The following AFAP1 variants were observed in gnomAD, a reference collection of about 807,000 sequenced individuals.
The protein encoded by AFAP1 is actin filament-associated protein 1.
A neutral mutation model predicts 93.9 loss-of-function variants in AFAP1; 75 were observed. The observed-to-expected ratio is 0.80, with a 90% confidence interval of 0.66 to 0.97. The LOEUF (loss-of-function observed/expected upper bound fraction) is 0.97, where lower values mean the gene tolerates loss of function less well. Ranked by LOEUF, AFAP1 falls within the 50% of genes least tolerant of loss-of-function variation. The pLI is 0.00. For missense variants in AFAP1, 1,201 were observed against 1,050.8 expected (o/e 1.14, Z -1.98); for synonymous variants, 517 against 430.7 (o/e 1.20, Z -2.48).
At chr4:7,928,857 G>C (rs1720913829) in intron 1 of AFAP1, among the ~76,000 whole-genome samples, 1 of 152,220 alleles carries the variant, frequency 6.6e-6, no homozygotes, top group Non-Finnish European at 1.5e-5. Flanking sequence ...GGGGCACAGA[G>C]AAAGACAATG....
intron 1 of AFAP1, among the ~76,000 whole-genome samples, chr4:7,880,745 A>T (rs1489158782): frequency 1.3e-5 from 2 of 152,190 alleles, no homozygotes; most frequent in Non-Finnish European, 2.9e-5. Context: ...AGGAACTCCA[A>T]GACTGAGGAG....
intron 14 of AFAP1, chr4:7,775,601 C>T (rs1168373611): frequency 6.7e-6 from 1 of 148,916 alleles, no homozygotes; most frequent in Non-Finnish European, 1.5e-5. Flanking sequence ...CGGAGTGTGG[C>T]ACAATAAATG....
chr4:7,885,154 T>C lies in AFAP1; in HGVS notation c.-2-13074A>G, dbSNP rs551913493. 3.9e-5 allele frequency among the ~76,000 whole-genome samples: 6 copies of C among 152,338 alleles called. No homozygotes were observed. In the East Asian group the frequency reaches 1.2e-3, roughly 29 times the overall value. On this transcript the variant is annotated intron_variant, in intron 1 of 17. Transcript: ENST00000420658. Reference sequence around the variant, plus strand: ...AAAATCACCCTGGTTTGCTACACTCTTCTCAGTGACTTCTCCGGATCCTGT... The same window carrying C: ...AAAATCACCCTGGTTTGCTACACTCCTCTCAGTGACTTCTCCGGATCCTGT...
intron 1 of AFAP1, among the ~76,000 whole-genome samples, chr4:7,931,134 C>T (rs1436463359): frequency 6.6e-6 from 1 of 152,134 alleles, no homozygotes; most frequent in East Asian, 1.9e-4. Flanking sequence ...CACCTGAGTC[C>T]TTGTCTTCCA....
In AFAP1 at chr4:7,781,737, C is replaced by T. The variant is rs1716796168; in HGVS notation, c.1531-110G>A. 9 of 1,381,136 alleles carry T rather than the reference C, an allele frequency of 6.5e-6. No individual in the cohort carries two copies. In the South Asian group the frequency reaches 9.9e-5, roughly 15 times the overall value. 85.6% of individuals were successfully genotyped at this position (1,381,136 alleles called of 1,614,324 possible). The stretch of plus-strand genomic sequence containing the variant: ...TACGGCATTTAGCATACATTGGCAC[C>T]CCAACACTCTCCTGCACACAGACTG... On this transcript the variant is annotated intron_variant, in intron 12 of 17. Transcript: ENST00000420658.
intron 6 of AFAP1, among the ~76,000 whole-genome samples, chr4:7,835,802 A>G (rs1157917609): frequency 4.3e-5 from 6 of 139,552 alleles, no homozygotes; most frequent in Non-Finnish European, 6.2e-5. Context: ...GGGCGGCCTC[A>G]AGGTTACCTG....
At chr4:7,902,160 G>A (rs1407967619) in intron 1 of AFAP1, among the ~76,000 whole-genome samples, 1 of 152,150 alleles carries the variant, frequency 6.6e-6, no homozygotes, top group East Asian at 1.9e-4. Flanking sequence ...CTGAGCTCAG[G>A]ATGAAAAAGA....
chr4:7,826,344 C>T (rs1313942611), intron 6 of AFAP1, among the ~76,000 whole-genome samples: 1 of 152,244 alleles, frequency 6.6e-6, no homozygotes, highest in Admixed American at 6.5e-5. Context: ...AGCCCTTCTC[C>T]CAGGTGCAAG....
Position 7,761,677 on chromosome 4 carries a change from G to A in AFAP1, c.*2088C>T, listed in dbSNP as rs1048990951. ...GGCTGCCAATCAGAGTGGCCCAAGA[G>A]TGTCAACCAGGGAAACTATTTGACC... On this transcript the variant is annotated 3_prime_UTR_variant, in exon 18 of 18. Coordinates refer to ENST00000420658, the MANE Select transcript of AFAP1 (RefSeq NM_001134647.2). The A allele has an allele frequency of 2.6e-5, 4 of 152,240 alleles. No homozygotes were observed. Among genetic ancestry groups the A allele is most frequent in the African/African-American group, 9.7e-5 (4 of 41,448 alleles). The allele number at this position is 152,240 out of a possible 1,614,324, so 9.4% of individuals were successfully genotyped here.
intron 6 of AFAP1, among the ~76,000 whole-genome samples, chr4:7,835,923 T>G (rs1324110930): frequency 6.6e-6 from 1 of 151,966 alleles, no homozygotes; most frequent in Non-Finnish European, 1.5e-5. Context: ...AAACCCTGAA[T>G]TGAGAATAAA....
At chr4:7,914,812 C>A (rs11931230) in intron 1 of AFAP1, among the ~76,000 whole-genome samples, 3 of 152,084 alleles carry the variant, frequency 2.0e-5, no homozygotes, top group African/African-American at 7.2e-5. Context: ...GGCGCGATCT[C>A]AGCTCGCTCA....
rs200740026 is a variant in AFAP1, at chr4:7,914,274, C to CT, written c.-3+25381dup. Among the ~76,000 whole-genome samples, 87 of 152,110 alleles carry CT rather than the reference C, an allele frequency of 5.7e-4. 2 individuals are homozygous for CT. The East Asian group carries it at 0.015, about 26-fold the overall frequency. ...TTCGCCACGTTGGCCAGGCTGGTCTCTAACTCCTGACCTCAGGTGATCCAC... is the reference window on the plus strand; with the variant it reads ...TTCGCCACGTTGGCCAGGCTGGTCTCTTAACTCCTGACCTCAGGTGATCCAC... On this transcript the variant is annotated intron_variant, in intron 1 of 17. Coordinates refer to ENST00000420658, the MANE Select transcript of AFAP1 (RefSeq NM_001134647.2).
chr4:7,872,689 G>A (rs1220833733), intron 1 of AFAP1, among the ~76,000 whole-genome samples: 1 of 152,148 alleles, frequency 6.6e-6, no homozygotes, highest in Non-Finnish European at 1.5e-5. Context: ...GCTTAGGTCA[G>A]CAGTTTGTAG....
chr4:7,926,926 G>A (rs1479318109), intron 1 of AFAP1, among the ~76,000 whole-genome samples: 2 of 152,162 alleles, frequency 1.3e-5, no homozygotes, highest in African/African-American at 4.8e-5. Flanking sequence ...AGTAGAGAAG[G>A]GGTTTCAACT....
intron 1 of AFAP1, among the ~76,000 whole-genome samples, chr4:7,919,374 G>A (rs1720309083): frequency 6.6e-6 from 1 of 152,216 alleles, no homozygotes. Context: ...TAAAATGTCT[G>A]TGTTTTTGGA....
intron 1 of AFAP1, among the ~76,000 whole-genome samples, chr4:7,887,936 C>A (rs932053347): frequency 1.3e-5 from 2 of 152,136 alleles, no homozygotes; most frequent in Non-Finnish European, 2.9e-5. Context: ...AAGCGATACT[C>A]CTGCCTCAGC....
chr4:7,896,269 T>C (rs1406598018), intron 1 of AFAP1, among the ~76,000 whole-genome samples: 1 of 152,062 alleles, frequency 6.6e-6, no homozygotes, highest in Non-Finnish European at 1.5e-5. Flanking sequence ...ACATACACCT[T>C]TGGTTTTCCA....
At chr4:7,808,922 T>A (rs1719765510) in intron 9 of AFAP1, among the ~76,000 whole-genome samples, 2 of 152,216 alleles carry the variant, frequency 1.3e-5, no homozygotes, top group Admixed American at 1.3e-4. Flanking sequence ...GCGCAGATGC[T>A]GGCACCATAC....
chr4:7,891,714 G>T (rs921036611), intron 1 of AFAP1, among the ~76,000 whole-genome samples: 2 of 138,626 alleles, frequency 1.4e-5, no homozygotes, highest in African/African-American at 2.7e-5. Flanking sequence ...GAAAGAAAAG[G>T]AAGGTTGAAC....
Sources: gnomAD v4.1 joint callset for allele counts (sites outside exome capture counted in the v4.1 genomes callset) on GRCh38, gnomAD v4.1.1 for gene constraint, MANE v1.5 for transcripts, NCBI Gene and HGNC (gene_info 2026-07-23, HGNC 2026-07-21) for gene names.